The following MYZAP variants were observed in gnomAD, a reference collection of about 807,000 sequenced individuals.
MYZAP encodes the protein myocardial zonula adherens protein.
MYZAP carries 66 observed loss-of-function variants against 69.4 expected under a neutral mutation model. That is an observed-to-expected ratio of 0.95 (90% CI 0.78 to 1.17). The LOEUF is 1.17. MYZAP is among the 50% of genes most tolerant of loss of function. The probability of loss-of-function intolerance (pLI) is 0.00; values close to 1 mark genes in which losing one functional copy is unlikely to be tolerated. For synonymous variants in MYZAP, 256 were observed against 205.9 expected, an observed-to-expected ratio of 1.24 and a Z score of -2.09; for missense variants, 611 against 556.2, an observed-to-expected ratio of 1.10 and a Z score of -0.99.
intron 10 of MYZAP, among the ~76,000 whole-genome samples, chr15:57,658,747 GA>G (rs2038131134): frequency 6.6e-6 from 1 of 152,192 alleles, no homozygotes; most frequent in African/African-American, 2.4e-5. Context: ...TGCCAAGGCT[GA>G]TAATGGAGTC....
intron 3 of MYZAP, among the ~76,000 whole-genome samples, 169 bp downstream of exon 3, chr15:57,618,357 C>G (rs1157364863): frequency 2.0e-5 from 3 of 152,204 alleles, no homozygotes; most frequent in Non-Finnish European, 2.9e-5. Flanking sequence ...TGTTAAAGTA[C>G]AGATGTAAAT....
chr15:57,649,452 T>A (rs1025441413), intron 10 of MYZAP, among the ~76,000 whole-genome samples: 1 of 152,220 alleles, frequency 6.6e-6, no homozygotes, highest in East Asian at 1.9e-4. Context: ...CATTGAAACT[T>A]GTGAGGTTGA....
chr15:57,646,187 A>G lies in MYZAP; in HGVS notation c.1119+6642A>G, dbSNP rs1428796056. On this transcript the variant is annotated intron_variant, in intron 10 of 12. Transcript: ENST00000267853. ...GATTTAGTCTCCGGCTCTTTGGAAG[A>G]TGATAAGTTGGTAGCCTGCTCTGGG... 3 of 1,289,234 alleles carry G rather than the reference A, an allele frequency of 2.3e-6. No homozygotes were observed. In the Admixed American group the frequency reaches 6.9e-5, roughly 30 times the overall value. The allele number at this position is 1,289,234 out of a possible 1,614,324, so 79.9% of individuals were successfully genotyped here.
chr15:57,663,458 G>A (rs2140558286), intron 11 of MYZAP, among the ~76,000 whole-genome samples: 1 of 152,310 alleles, frequency 6.6e-6, no homozygotes, highest in Non-Finnish European at 1.5e-5. Context: ...GACAGGGAAG[G>A]GAAGAGAGCC....
chr15:57,647,527 A>G (rs189493056), intron 10 of MYZAP: 3 of 985,410 alleles, frequency 3.0e-6, no homozygotes, highest in Admixed American at 1.2e-4. Flanking sequence ...GAATGCAATG[A>G]CCTTTAGAGA....
At chr15:57,602,033 A>C (rs1165709296) in intron 1 of MYZAP, among the ~76,000 whole-genome samples, 1 of 151,932 alleles carries the variant, frequency 6.6e-6, no homozygotes, top group African/African-American at 2.4e-5. Context: ...TGTCAGGTAC[A>C]TTTTTGGGTG....
rs1355890895 is a variant in MYZAP, at chr15:57,592,048, C to A, written c.14C>A (p.Thr5Lys). 4.9e-6 allele frequency: 7 copies of A among 1,432,274 alleles called. No individual in the cohort carries two copies. The highest frequency in any genetic ancestry group is 6.1e-5 in the East Asian group (2 of 32,868). 88.7% of individuals were successfully genotyped at this position (1,432,274 alleles called of 1,614,324 possible). The change falls in exon 1 of 13, where the codon ACG (threonine) becomes AAG (lysine). Residue 5 changes from threonine (T) to lysine (K), a missense_variant. By Grantham distance (78) the Thr-to-Lys change is moderately conservative. Transcript: ENST00000267853. ...CGCCGCTGCGGGATGCTGCGCTCCA[C>A]GTCCACGGTCACCCTGCTCTCGGGC... MLRS[T>K]STVTLLSGGA...
chr15:57,612,755 A>G (rs558868909), intron 2 of MYZAP, among the ~76,000 whole-genome samples: 1 of 152,222 alleles, frequency 6.6e-6, no homozygotes, highest in South Asian at 2.1e-4. Flanking sequence ...TGCCAGATGT[A>G]TCTTTAGGGA....
At chr15:57,597,954 C>G (rs998153731) in intron 1 of MYZAP, among the ~76,000 whole-genome samples, 4 of 152,200 alleles carry the variant, frequency 2.6e-5, no homozygotes, top group African/African-American at 9.7e-5. Flanking sequence ...TTAAGGGGAG[C>G]TGGGCAGGGA....
intron 12 of MYZAP, among the ~76,000 whole-genome samples, chr15:57,679,903 T>C (rs1375800586): frequency 6.6e-6 from 1 of 152,200 alleles, no homozygotes; most frequent in Admixed American, 6.5e-5. Context: ...GAGTGCGCCA[T>C]CTCTTTCTTC....
At chr15:57,642,251 A>G (rs2037202922) in intron 10 of MYZAP, among the ~76,000 whole-genome samples, 3 of 152,236 alleles carry the variant, frequency 2.0e-5, no homozygotes, top group African/African-American at 7.2e-5. Flanking sequence ...TTCATCATAT[A>G]AAGAATTCTC....
At chr15:57,639,653 G>C (rs950641267) in intron 10 of MYZAP, 108 bp downstream of exon 10, 13 of 1,292,762 alleles carry the variant, frequency 1.0e-5, no homozygotes, top group Non-Finnish European at 1.3e-5. Flanking sequence ...CACAAGCCGA[G>C]GTGCTCAGGC....
In MYZAP at chr15:57,674,883, C is replaced by T. The variant is rs370598950; in HGVS notation, c.1204-85C>T. 1.1e-5 allele frequency: 13 copies of T among 1,197,498 alleles called. No individual in the cohort carries two copies. The African/African-American group carries it at 1.8e-4, about 17-fold the overall frequency. 74.2% of individuals were successfully genotyped at this position (1,197,498 alleles called of 1,614,324 possible). On this transcript the variant is annotated intron_variant, in intron 11 of 12. Coordinates refer to ENST00000267853, the MANE Select transcript of MYZAP (RefSeq NM_001018100.5). Reference sequence around the variant, plus strand: ...AGTTGCCCATGTCATGGGGCAAAATCAGATAATACATATAAATTGTATCAT... The same window carrying T: ...AGTTGCCCATGTCATGGGGCAAAATTAGATAATACATATAAATTGTATCAT...
At chr15:57,640,178 T>C (rs2037067195) in intron 10 of MYZAP, among the ~76,000 whole-genome samples, 1 of 152,230 alleles carries the variant, frequency 6.6e-6, no homozygotes, top group Non-Finnish European at 1.5e-5. Context: ...AACGGGTAAG[T>C]TGAACATTTC....
chr15:57,629,702 A>G lies in MYZAP; in HGVS notation c.526A>G (p.Lys176Glu). 1 of 1,607,020 alleles carries G rather than the reference A, an allele frequency of 6.2e-7. No homozygotes were observed. The highest frequency in any genetic ancestry group is 1.1e-5 in the South Asian group (1 of 90,110). Residue 176 changes from lysine (K) to glutamate (E), a missense_variant and splice_region_variant, in exon 6 of 13, where the codon AAA (lysine) becomes GAA (glutamate). Coordinates refer to ENST00000267853, the MANE Select transcript of MYZAP (RefSeq NM_001018100.5). Reference sequence around the variant, plus strand: ...TTTGTTTTTATTTTCATCCTCACAGAAAACCCTCGTGGATGTGACTTTGGA... The same window carrying G: ...TTTGTTTTTATTTTCATCCTCACAGGAAACCCTCGTGGATGTGACTTTGGA... ...ALASDSIGLQ[K>E]TLVDVTLENS...
At chr15:57,595,692 C>T (rs2034010958) in intron 1 of MYZAP, among the ~76,000 whole-genome samples, 1 of 152,114 alleles carries the variant, frequency 6.6e-6, no homozygotes. Context: ...TTCTCCAGCA[C>T]CTTGCTCTCT....
chr15:57,639,793 T>C (rs1322249596), intron 10 of MYZAP, among the ~76,000 whole-genome samples: 1 of 152,166 alleles, frequency 6.6e-6, no homozygotes, highest in Non-Finnish European at 1.5e-5. Context: ...GTGCAGTTCA[T>C]AAGCTCACCC....
intron 10 of MYZAP, among the ~76,000 whole-genome samples, chr15:57,651,660 G>A (rs1209264181): frequency 3.3e-5 from 5 of 152,210 alleles, no homozygotes; most frequent in South Asian, 4.1e-4. Flanking sequence ...ATTGTGAAGG[G>A]AGTGAATGAA....
chr15:57,639,091 G>C (rs2036979055), intron 9 of MYZAP, among the ~76,000 whole-genome samples: 1 of 152,212 alleles, frequency 6.6e-6, no homozygotes, highest in South Asian at 2.1e-4. Context: ...CATAAAGTAA[G>C]AAGAATGGAT....
Sources: gnomAD v4.1 joint callset for allele counts (sites outside exome capture counted in the v4.1 genomes callset) on GRCh38, gnomAD v4.1.1 for gene constraint, MANE v1.5 for transcripts, NCBI Gene and HGNC (gene_info 2026-07-23, HGNC 2026-07-21) for gene names.